The following DAB1 variants were observed in gnomAD, a reference collection of about 807,000 sequenced individuals.
DAB1 encodes disabled homolog 1.
A neutral mutation model predicts 64.6 loss-of-function variants in DAB1; 15 were observed. The observed-to-expected ratio is 0.23, with a 90% CI of 0.16 to 0.36. The LOEUF is 0.36. Among genes scored for constraint, DAB1 ranks in the 10% least tolerant of loss-of-function variants. The probability of loss-of-function intolerance (pLI) is 1.00; values close to 1 mark genes in which losing one functional copy is unlikely to be tolerated. For missense variants in DAB1, 596 were observed against 706.7 expected, an observed-to-expected ratio of 0.84 and a Z score of 1.78; for synonymous variants, 235 against 251.9, an observed-to-expected ratio of 0.93 and a Z score of 0.64.
intron 5 of DAB1, among the ~76,000 whole-genome samples, chr1:58,013,915 A>G (rs1486072207): frequency 6.6e-6 from 1 of 150,614 alleles, no homozygotes; most frequent in Non-Finnish European, 1.5e-5. Flanking sequence ...TTTCTTTTTA[A>G]GATGACTGTA....
chr1:57,625,815 T>C (rs1645915770), intron 7 of DAB1, among the ~76,000 whole-genome samples: 4 of 152,114 alleles, frequency 2.6e-5, no homozygotes, highest in Admixed American at 2.6e-4. Flanking sequence ...GAAGGCCTTA[T>C]AGTTCTAACA....
intron 7 of DAB1, among the ~76,000 whole-genome samples, chr1:57,521,927 T>C (rs1644531785): frequency 6.6e-6 from 1 of 152,014 alleles, no homozygotes. Context: ...CTGGCCAACA[T>C]GGCGAAACCC....
intron 9 of DAB1, among the ~76,000 whole-genome samples, chr1:57,047,349 A>T (rs948863432): frequency 6.6e-6 from 1 of 152,164 alleles, no homozygotes; most frequent in African/African-American, 2.4e-5. Flanking sequence ...CAAAATTCGT[A>T]TGTTAAAGCC....
intron 4 of DAB1, among the ~76,000 whole-genome samples, chr1:58,176,980 A>T (rs1056846195): frequency 3.6e-5 from 5 of 140,310 alleles, no homozygotes; most frequent in Admixed American, 2.8e-4. Flanking sequence ...CTGTCTCAAT[A>T]AAAAAAAAAA....
chr1:58,027,107 T>C (rs1373813623), intron 5 of DAB1, among the ~76,000 whole-genome samples: 1 of 152,226 alleles, frequency 6.6e-6, no homozygotes, highest in African/African-American at 2.4e-5. Flanking sequence ...AGAAATAACT[T>C]ATAATAAAGT....
chr1:57,330,343 G>A (rs1036946154), intron 1 of DAB1, among the ~76,000 whole-genome samples: 8 of 152,196 alleles, frequency 5.3e-5, no homozygotes, highest in East Asian at 3.8e-4. Flanking sequence ...CACTAGGGTG[G>A]TGCAGATGTG....
chr1:58,214,629 T>C (rs570544464), intron 4 of DAB1, among the ~76,000 whole-genome samples: 242 of 152,306 alleles, frequency 1.6e-3, no homozygotes, highest in Non-Finnish European at 2.8e-3. Context: ...TAGGGTTTGT[T>C]AAATAATGAA....
intron 3 of DAB1, among the ~76,000 whole-genome samples, chr1:58,420,367 C>A (rs547831594): frequency 1.1e-4 from 17 of 152,298 alleles, no homozygotes; most frequent in African/African-American, 4.1e-4. Context: ...CCAACCCAGA[C>A]CCAAGTCATG....
rs114372740 is a variant in DAB1, at chr1:57,559,331, C to T, written n.625+90261G>A. On this transcript the variant is annotated intron_variant and non_coding_transcript_variant, in intron 7 of 20. Transcript: ENST00000485760. ...CAGTCTCTCAATTTCCAGACTTGAG[C>T]CAGTTTATAGACTCAGAACCCCTTG... Among the ~76,000 whole-genome samples, 867 of 152,242 alleles carry T rather than the reference C, an allele frequency of 5.7e-3. 4 individuals carry two copies. Among genetic ancestry groups the T allele is most frequent in the African/African-American group, 0.013 (531 of 41,542 alleles).
chr1:57,767,256 G>C (rs566813602), intron 6 of DAB1, among the ~76,000 whole-genome samples: 1 of 152,206 alleles, frequency 6.6e-6, no homozygotes, highest in Admixed American at 6.5e-5. Context: ...GCCCACAAGA[G>C]TCAACTCATT....
intron 4 of DAB1, among the ~76,000 whole-genome samples, chr1:57,085,571 C>T (rs1426754566): frequency 6.6e-6 from 1 of 152,246 alleles, no homozygotes; most frequent in Non-Finnish European, 1.5e-5. Flanking sequence ...AGCTCACACT[C>T]TACAGCAGAG....
At chr1:57,303,236 G>A (rs2100705647) in intron 1 of DAB1, among the ~76,000 whole-genome samples, 1 of 152,346 alleles carries the variant, frequency 6.6e-6, no homozygotes, top group South Asian at 2.1e-4. Flanking sequence ...AGGGCTGACA[G>A]TGGTAGACAG....
At chr1:57,497,633 G>A (rs1258164632) in intron 7 of DAB1, among the ~76,000 whole-genome samples, 1 of 152,188 alleles carries the variant, frequency 6.6e-6, no homozygotes, top group Non-Finnish European at 1.5e-5. Flanking sequence ...GTACACATTG[G>A]ATGGGCAACA....
chr1:58,484,321 G>GT (rs1645538582), intron 3 of DAB1, among the ~76,000 whole-genome samples: 1 of 152,194 alleles, frequency 6.6e-6, no homozygotes, highest in South Asian at 2.1e-4. Flanking sequence ...GATATGTGAA[G>GT]TCTAACACCC....
chr1:57,354,632 A>G (rs1001296250), intron 1 of DAB1, among the ~76,000 whole-genome samples: 1 of 152,058 alleles, frequency 6.6e-6, no homozygotes, highest in Admixed American at 6.6e-5. Flanking sequence ...ATATTGTACT[A>G]CTTTCTTCTT....
chr1:57,763,639 C>T (rs1386119604), intron 6 of DAB1, among the ~76,000 whole-genome samples: 1 of 152,120 alleles, frequency 6.6e-6, no homozygotes, highest in Non-Finnish European at 1.5e-5. Flanking sequence ...GATTGAATCA[C>T]TGCACTCCAG....
intron 1 of DAB1, among the ~76,000 whole-genome samples, chr1:57,395,883 C>G (rs1359025309): frequency 6.6e-6 from 1 of 152,232 alleles, no homozygotes. Flanking sequence ...CAGTTTTCCA[C>G]TATCAACCTC....
chr1:58,277,027 CT>C (rs780522664), intron 4 of DAB1, among the ~76,000 whole-genome samples: 13 of 125,478 alleles, frequency 1.0e-4, no homozygotes, highest in African/African-American at 1.2e-4. Flanking sequence ...GTTGCAGAGA[CT>C]TTTTTTTTCT....
intron 5 of DAB1, among the ~76,000 whole-genome samples, chr1:58,033,184 A>G (rs1646994987): frequency 1.3e-5 from 2 of 152,180 alleles, no homozygotes; most frequent in African/African-American, 4.8e-5. Flanking sequence ...GATTAAAGAG[A>G]AAGTGGACAG....
Sources: allele counts gnomAD v4.1 joint callset (sites outside exome capture counted in the v4.1 genomes callset), GRCh38; gene constraint gnomAD v4.1.1; transcripts MANE v1.5; gene names NCBI Gene and HGNC (gene_info 2026-07-23, HGNC 2026-07-21).